Variants in LRP1B observed in about 807,000 individuals in gnomAD.
The protein encoded by LRP1B is LDL receptor related protein 1B.
A neutral mutation model predicts 556.6 loss-of-function variants in LRP1B; 217 were observed. The ratio of observed to expected loss-of-function variants is 0.39; its 90% CI spans 0.35 to 0.44. The LOEUF (loss-of-function observed/expected upper bound fraction) is 0.44. Ranked by LOEUF, LRP1B falls within the 20% of genes least tolerant of loss-of-function variation. The pLI is 1.00. For missense variants in LRP1B, 5,053 were observed against 5,620.8 expected, an observed-to-expected ratio of 0.90 and a Z score of 3.23; for synonymous variants, 2,047 against 1,865.8, an observed-to-expected ratio of 1.10 and a Z score of -2.50.
At chr2:140,461,069 G>GAAAAAAAAAAAAAAAAAAAAA in intron 60 of LRP1B, among the ~76,000 whole-genome samples, 1 of 72,346 alleles carries the variant, frequency 1.4e-5, no homozygotes, top group Non-Finnish European at 2.9e-5. Flanking sequence ...ACTCAAAAAA[G>GAAAAAAAAAAAAAAAAAAAAA]AAAAAAAAAA....
At chr2:142,076,586 G>A (rs1161540300) in intron 1 of LRP1B, among the ~76,000 whole-genome samples, 3 of 152,086 alleles carry the variant, frequency 2.0e-5, no homozygotes, top group Non-Finnish European at 4.4e-5. Flanking sequence ...CACATCAAAA[G>A]AGGATAAGAA....
chr2:140,623,867 C>T (rs530085105), intron 41 of LRP1B, among the ~76,000 whole-genome samples: 7 of 150,128 alleles, frequency 4.7e-5, no homozygotes, highest in African/African-American at 1.7e-4. Flanking sequence ...TGCAGTGAGT[C>T]GAGATTCTGC....
At chr2:141,201,732 G>C (rs946689124) in intron 6 of LRP1B, among the ~76,000 whole-genome samples, 2 of 152,016 alleles carry the variant, frequency 1.3e-5, no homozygotes, top group Non-Finnish European at 2.9e-5. Context: ...AAATAGAAAT[G>C]GTGCATGTTT....
At chr2:140,935,927 A>G (rs1695189974) in intron 20 of LRP1B, among the ~76,000 whole-genome samples, 1 of 151,620 alleles carries the variant, frequency 6.6e-6, no homozygotes, top group African/African-American at 2.4e-5. Flanking sequence ...TGATATGTTA[A>G]GTGTATATAT....
At chr2:142,080,706 A>G (rs929630185) in intron 1 of LRP1B, among the ~76,000 whole-genome samples, 1 of 152,050 alleles carries the variant, frequency 6.6e-6, no homozygotes, top group South Asian at 2.1e-4. Context: ...CTGATAATGC[A>G]TTGTTCAGAA....
At chr2:141,546,949 T>C (rs1429327407) in intron 2 of LRP1B, among the ~76,000 whole-genome samples, 1 of 152,160 alleles carries the variant, frequency 6.6e-6, no homozygotes. Context: ...GATCCTGCTT[T>C]CTTCTTTACT....
intron 1 of LRP1B, among the ~76,000 whole-genome samples, chr2:141,881,622 T>C (rs1321599160): frequency 1.3e-5 from 2 of 152,122 alleles, no homozygotes; most frequent in South Asian, 2.1e-4. Context: ...AGGTAAACTG[T>C]CCTTGATAAG....
intron 87 of LRP1B, among the ~76,000 whole-genome samples, chr2:140,239,829 T>C (rs747920700): frequency 6.6e-6 from 1 of 150,946 alleles, no homozygotes; most frequent in Non-Finnish European, 1.5e-5. Flanking sequence ...TCACACACAT[T>C]TACTAGCAAT....
chr2:140,363,981 G>C (rs1246340945), intron 72 of LRP1B, among the ~76,000 whole-genome samples: 1 of 151,574 alleles, frequency 6.6e-6, no homozygotes, highest in African/African-American at 2.4e-5. Context: ...GACCAAAAAT[G>C]TTCATTAAAA....
intron 53 of LRP1B, among the ~76,000 whole-genome samples, chr2:140,503,653 T>C (rs185844245): frequency 6.6e-6 from 1 of 152,118 alleles, no homozygotes. Flanking sequence ...TTAGAGTCAC[T>C]AAAAACTTTA....
At chr2:140,913,323 T>C (rs987264323) in intron 21 of LRP1B, among the ~76,000 whole-genome samples, 1 of 151,850 alleles carries the variant, frequency 6.6e-6, no homozygotes, top group African/African-American at 2.4e-5. Flanking sequence ...TGTTCTAATA[T>C]TGAACATATA....
chr2:141,703,085 C>T (rs560305528), intron 2 of LRP1B, among the ~76,000 whole-genome samples: 85 of 151,986 alleles, frequency 5.6e-4, no homozygotes, highest in Middle Eastern at 3.4e-3. Flanking sequence ...GCTGAGTTGT[C>T]CTGAATGTTT....
intron 1 of LRP1B, among the ~76,000 whole-genome samples, chr2:141,915,404 A>AT (rs1700004454): frequency 1.3e-5 from 2 of 152,110 alleles, no homozygotes; most frequent in Non-Finnish European, 2.9e-5. Context: ...CCATACAAAA[A>AT]TTGTATATGG....
chr2:140,685,523 T>G (rs1375994355), intron 41 of LRP1B, among the ~76,000 whole-genome samples: 1 of 152,196 alleles, frequency 6.6e-6, no homozygotes, highest in Non-Finnish European at 1.5e-5. Flanking sequence ...GGGTTCAATC[T>G]AGATAAACAT....
intron 86 of LRP1B, among the ~76,000 whole-genome samples, chr2:140,253,047 A>G (rs1454922292): frequency 2.0e-5 from 3 of 152,074 alleles, no homozygotes; most frequent in African/African-American, 2.4e-5. Flanking sequence ...AATGTTTTCT[A>G]TGAGAATAGC....
intron 11 of LRP1B, among the ~76,000 whole-genome samples, chr2:141,041,114 A>G (rs1008176546): frequency 6.6e-6 from 1 of 152,058 alleles, no homozygotes; most frequent in African/African-American, 2.4e-5. Context: ...TTTGAACGAG[A>G]TCCAAGTCAA....
intron 7 of LRP1B, among the ~76,000 whole-genome samples, chr2:141,154,952 A>G (rs1262371020): frequency 6.6e-6 from 1 of 151,976 alleles, no homozygotes; most frequent in Non-Finnish European, 1.5e-5. Context: ...GGCTCCCAGA[A>G]TTAAATAATA....
At chr2:141,121,873 A>G (rs918598252) in intron 7 of LRP1B, among the ~76,000 whole-genome samples, 1 of 152,210 alleles carries the variant, frequency 6.6e-6, no homozygotes, top group Non-Finnish European at 1.5e-5. Flanking sequence ...TACAGTAACC[A>G]AAACAGCATG....
At chr2:141,338,634 T>C (rs1687936291) in intron 3 of LRP1B, among the ~76,000 whole-genome samples, 1 of 152,222 alleles carries the variant, frequency 6.6e-6, no homozygotes, top group Non-Finnish European at 1.5e-5. Context: ...GTCCGTATTC[T>C]ATTCAACCCA....
Sources: allele counts gnomAD v4.1 joint callset (sites outside exome capture counted in the v4.1 genomes callset), GRCh38; gene constraint gnomAD v4.1.1; transcripts MANE v1.5; gene names NCBI Gene and HGNC (gene_info 2026-07-23, HGNC 2026-07-21).